ANAPC1: variants seen among roughly 807,000 people sequenced by gnomAD.
ANAPC1 encodes anaphase-promoting complex subunit 1.
A neutral mutation model predicts 208.0 loss-of-function variants in ANAPC1; 36 were observed. The ratio of observed to expected loss-of-function variants is 0.17; its 90% CI spans 0.13 to 0.23. The LOEUF (loss-of-function observed/expected upper bound fraction) is 0.23. Ranked by LOEUF, ANAPC1 falls within the 10% of genes least tolerant of loss-of-function variation. The probability of loss-of-function intolerance (pLI) is 1.00; values close to 1 mark genes in which losing one functional copy is unlikely to be tolerated. For synonymous variants in ANAPC1, 378 were observed against 695.2 expected (o/e 0.54, Z 7.18); for missense variants, 942 against 2,011.6 (o/e 0.47, Z 10.17).
At chr2:111,879,867 C>T (rs745393710) in intron 2 of ANAPC1, among the ~76,000 whole-genome samples, 32 of 151,520 alleles carry the variant, frequency 2.1e-4, no homozygotes, top group African/African-American at 7.3e-4. Flanking sequence ...AGTGAAACTC[C>T]GTCTCAGGAA....
At chr2:111,806,800 G>T (rs1482264010) in intron 29 of ANAPC1, among the ~76,000 whole-genome samples, 1 of 152,128 alleles carries the variant, frequency 6.6e-6, no homozygotes, top group African/African-American at 2.4e-5. Flanking sequence ...ACACTACCGT[G>T]TTGAAAACGA....
At chr2:111,771,856 AT>A (rs573759481) in intron 47 of ANAPC1, among the ~76,000 whole-genome samples, 3 of 151,786 alleles carry the variant, frequency 2.0e-5, no homozygotes, top group African/African-American at 4.8e-5. Flanking sequence ...TAATGGATAA[AT>A]TTTTTTTATC....
intron 13 of ANAPC1, among the ~76,000 whole-genome samples, chr2:111,851,525 G>A (rs1168147528): frequency 2.0e-5 from 3 of 152,040 alleles, no homozygotes; most frequent in Non-Finnish European, 4.4e-5. Context: ...TAAGAACAGC[G>A]GCCGGGCGCG....
intron 6 of ANAPC1, among the ~76,000 whole-genome samples, chr2:111,868,393 A>G (rs1682552022): frequency 6.6e-6 from 1 of 152,246 alleles, no homozygotes; most frequent in South Asian, 2.1e-4. Context: ...TAATGTGCAT[A>G]AAGCGGTCTT....
chr2:111,852,845 G>GA (rs770005611), intron 13 of ANAPC1, among the ~76,000 whole-genome samples: 1 of 152,030 alleles, frequency 6.6e-6, no homozygotes, highest in Non-Finnish European at 1.5e-5. Flanking sequence ...TGCCAGGCTT[G>GA]ATGTGGTGGC....
rs776750129 is a variant in ANAPC1, at chr2:111,834,849, T to C, written c.2139A>G (p.Ser713=). 3.1e-6 allele frequency: 5 copies of C among 1,599,584 alleles called. No homozygotes were observed. The African/African-American group carries it at 6.7e-5, about 22-fold the overall frequency. ...GAGACTCAACATTCTGGTGGTAGTC[T>C]GAATTTAGTAAATATTCCCAGTCCT... ...SDDDWEYLLN[S]DYHQNVESHL... is the part of the protein sequence containing the mutation. The change falls in exon 19 of 48, where the codon TCA becomes TCG. Residue 713 remains serine, a synonymous_variant. Transcript: ENST00000341068.
rs10645103 is a variant in ANAPC1, at chr2:111,851,810, C to CA, written c.1516-901dup. Among the ~76,000 whole-genome samples, 143 of 143,248 alleles carry CA rather than the reference C, an allele frequency of 1.0e-3. 1 individual carries two copies. Among genetic ancestry groups the CA allele is most frequent in the South Asian group, 4.7e-3 (21 of 4,450 alleles). 94.0% of individuals were successfully genotyped at this position (143,248 alleles called of 152,430 possible). A position where few individuals can be genotyped will look rare whatever the true frequency, so the allele number is the denominator to read the frequency against. On this transcript the variant is annotated intron_variant, in intron 13 of 47. Transcript: ENST00000341068. ...AGGCAACAAGAACGAAACTCTGTCTCAAAAAAAAAAAAGAATGAGTTGACA... is the reference window on the plus strand; with the variant it reads ...AGGCAACAAGAACGAAACTCTGTCTCAAAAAAAAAAAAAGAATGAGTTGACA...
At chr2:111,766,934 C>T (rs139401657), downstream of ANAPC1, 1,588 of 470,638 alleles carry the variant, frequency 3.4e-3, 7 homozygotes, top group African/African-American at 0.027. Context: ...GAAGACTGGG[C>T]GGCACACGGC....
rs758307305 is a variant in ANAPC1, at chr2:111,850,866, C to A, written c.1560G>T (p.Thr520=). The A allele has an allele frequency of 6.2e-7, 1 of 1,610,458 alleles. No homozygotes were observed. The highest frequency in any genetic ancestry group is 1.7e-5 in the Admixed American group (1 of 59,650). ...FIPGLPAPSL[T]MSNTMPRPST... Reference sequence around the variant, plus strand: ...TGGGCCGAGGCATTGTGTTGGACATCGTCAGAGAGGGAGCTGGCAGTCCAG... The same window carrying A: ...TGGGCCGAGGCATTGTGTTGGACATAGTCAGAGAGGGAGCTGGCAGTCCAG... The change falls in exon 14 of 48, where the codon ACG becomes ACT. Residue 520 remains threonine, a synonymous_variant. Coordinates refer to ENST00000341068, the MANE Select transcript of ANAPC1 (RefSeq NM_022662.4).
chr2:111,880,545 T>C (rs1016680792), intron 2 of ANAPC1, 68 bp downstream of exon 2: 28 of 1,505,554 alleles, frequency 1.9e-5, no homozygotes, highest in South Asian at 1.8e-4. Flanking sequence ...TGCATCTTAG[T>C]AGCCTTAAAT....
chr2:111,797,538 T>C (rs2104547068), intron 34 of ANAPC1, among the ~76,000 whole-genome samples: 1 of 150,116 alleles, frequency 6.7e-6, no homozygotes, highest in Non-Finnish European at 1.5e-5. Context: ...TATCAGTGAT[T>C]AACAAAACTG....
chr2:111,774,087 A>G (rs1328608602), intron 46 of ANAPC1, among the ~76,000 whole-genome samples: 1 of 152,166 alleles, frequency 6.6e-6, no homozygotes, highest in African/African-American at 2.4e-5. Context: ...TAAAATGTGG[A>G]CAAATTCAAG....
intron 19 of ANAPC1, among the ~76,000 whole-genome samples, chr2:111,834,321 G>A (rs1049116063): frequency 7.2e-5 from 11 of 152,202 alleles, no homozygotes; most frequent in Admixed American, 5.9e-4. Context: ...AGTATAGCCA[G>A]TCAGTCATCC....
At chr2:111,851,819 AAAAG>A (rs917437704) in intron 13 of ANAPC1, among the ~76,000 whole-genome samples, 1 of 151,488 alleles carries the variant, frequency 6.6e-6, no homozygotes, top group African/African-American at 2.4e-5. Context: ...TCAAAAAAAA[AAAAG>A]AATGAGTTGA....
intron 1 of ANAPC1, among the ~76,000 whole-genome samples, chr2:111,882,338 C>T (rs1683347169): frequency 6.6e-6 from 1 of 152,130 alleles, no homozygotes; most frequent in South Asian, 2.1e-4. Context: ...ACTTGCTGCT[C>T]ATAGGGCAAG....
chr2:111,770,583 G>T, intron 47 of ANAPC1, among the ~76,000 whole-genome samples: 1 of 146,638 alleles, frequency 6.8e-6, no homozygotes, highest in South Asian at 2.1e-4. Flanking sequence ...TTTTTTCACG[G>T]TTTCCACATG....
intron 46 of ANAPC1, among the ~76,000 whole-genome samples, chr2:111,775,196 G>A (rs985503920): frequency 6.6e-6 from 1 of 152,220 alleles, no homozygotes; most frequent in Non-Finnish European, 1.5e-5. Context: ...AACCCAGGAG[G>A]TGGAGGTTGC....
intron 21 of ANAPC1, among the ~76,000 whole-genome samples, chr2:111,826,713 C>A (rs989873404): frequency 2.7e-5 from 4 of 147,696 alleles, no homozygotes; most frequent in African/African-American, 1.0e-4. Flanking sequence ...CAGGCTGGAG[C>A]GCAGTGGCAC....
intron 10 of ANAPC1, among the ~76,000 whole-genome samples, chr2:111,859,167 AT>A (rs1401906058): frequency 6.6e-6 from 1 of 152,110 alleles, no homozygotes; most frequent in Non-Finnish European, 1.5e-5. Context: ...CGTATCTCTA[AT>A]TCCCAAACCC....
Sources: gnomAD v4.1 joint callset for allele counts (sites outside exome capture counted in the v4.1 genomes callset) on GRCh38, gnomAD v4.1.1 for gene constraint, MANE v1.5 for transcripts, NCBI Gene and HGNC (gene_info 2026-07-23, HGNC 2026-07-21) for gene names.